The following ROBO2 variants were observed in gnomAD, a reference collection of about 807,000 sequenced individuals.
ROBO2 encodes roundabout guidance receptor 2, also known as roundabout homolog 2.
ROBO2 carries 53 observed loss-of-function variants against 160.8 expected under a neutral mutation model. That is an observed-to-expected ratio of 0.33 (90% confidence interval 0.26 to 0.41). The LOEUF (loss-of-function observed/expected upper bound fraction) is 0.41. ROBO2 is among the 10% of genes least tolerant of loss of function. The pLI, the probability that ROBO2 is intolerant of heterozygous loss-of-function variation, is 1.00. For missense variants in ROBO2, 1,577 were observed against 1,722.4 expected, an observed-to-expected ratio of 0.92 and a Z score of 1.49; for synonymous variants, 664 against 611.7, an observed-to-expected ratio of 1.09 and a Z score of -1.26.
intron 2 of ROBO2, among the ~76,000 whole-genome samples, chr3:77,210,857 T>C (rs979845923): frequency 6.6e-6 from 1 of 152,008 alleles, no homozygotes; most frequent in Non-Finnish European, 1.5e-5. Flanking sequence ...TCTGATCTTG[T>C]GATAGTTTAC....
At chr3:76,230,975 T>C (rs1340967865) in intron 2 of ROBO2, among the ~76,000 whole-genome samples, 1 of 151,950 alleles carries the variant, frequency 6.6e-6, no homozygotes, top group Non-Finnish European at 1.5e-5. Context: ...ACACCAAAGA[T>C]TACCAATAAA....
At chr3:77,417,539 A>T (rs1041282323) in intron 2 of ROBO2, among the ~76,000 whole-genome samples, 1 of 152,160 alleles carries the variant, frequency 6.6e-6, no homozygotes, top group Non-Finnish European at 1.5e-5. Context: ...GCATTGTCTC[A>T]GTCATTAATT....
intron 2 of ROBO2, among the ~76,000 whole-genome samples, chr3:76,241,205 T>A (rs533289083): frequency 6.6e-6 from 1 of 152,344 alleles, no homozygotes; most frequent in Non-Finnish European, 1.5e-5. Context: ...TCTAAAACTT[T>A]AACTCTGTTA....
At chr3:77,446,137 T>C (rs2080482552) in intron 2 of ROBO2, among the ~76,000 whole-genome samples, 1 of 152,088 alleles carries the variant, frequency 6.6e-6, no homozygotes, top group African/African-American at 2.4e-5. Flanking sequence ...TTGATTTTTC[T>C]CTGTCTCTCT....
At chr3:77,321,240 G>A (rs1275763411) in intron 2 of ROBO2, among the ~76,000 whole-genome samples, 1 of 152,030 alleles carries the variant, frequency 6.6e-6, no homozygotes, top group Admixed American at 6.6e-5. Flanking sequence ...TTTTAGGCTG[G>A]GCACAGTGGC....
At chr3:76,194,103 T>C (rs1000580379) in intron 2 of ROBO2, among the ~76,000 whole-genome samples, 1 of 151,864 alleles carries the variant, frequency 6.6e-6, no homozygotes, top group Non-Finnish European at 1.5e-5. Context: ...AAACAAGAAT[T>C]GAAAGATTGA....
At chr3:76,599,058 T>C (rs1009009722) in intron 2 of ROBO2, among the ~76,000 whole-genome samples, 8 of 152,284 alleles carry the variant, frequency 5.3e-5, no homozygotes, top group Non-Finnish European at 1.0e-4. Context: ...GTATATACAT[T>C]AAAACAAAAA....
intron 2 of ROBO2, among the ~76,000 whole-genome samples, chr3:76,990,482 A>T (rs1357238611): frequency 6.6e-6 from 1 of 152,194 alleles, no homozygotes; most frequent in African/African-American, 2.4e-5. Context: ...CTTGATATTC[A>T]GAATATAATT....
chr3:77,363,812 G>A (rs1033531852), intron 2 of ROBO2, among the ~76,000 whole-genome samples: 2 of 152,134 alleles, frequency 1.3e-5, no homozygotes, highest in African/African-American at 4.8e-5. Flanking sequence ...TGTGGGAAGA[G>A]AGGGATTCAA....
At chr3:77,223,779 A>G (rs916277625) in intron 2 of ROBO2, among the ~76,000 whole-genome samples, 1 of 152,078 alleles carries the variant, frequency 6.6e-6, no homozygotes, top group African/African-American at 2.4e-5. Flanking sequence ...ACAAAACTTT[A>G]TGAAGACAAG....
At chr3:76,742,933 T>G (rs1441035509) in intron 2 of ROBO2, among the ~76,000 whole-genome samples, 2 of 152,022 alleles carry the variant, frequency 1.3e-5, no homozygotes, top group Non-Finnish European at 2.9e-5. Context: ...ATCAGCTCTA[T>G]GGCCAACAGT....
intron 2 of ROBO2, among the ~76,000 whole-genome samples, chr3:76,963,569 T>C (rs1407420093): frequency 1.3e-5 from 2 of 152,062 alleles, no homozygotes; most frequent in African/African-American, 4.8e-5. Flanking sequence ...ATTATATCAT[T>C]TGACTTTTTA....
rs1190784175 is a variant in ROBO2, at chr3:76,043,836, A to G, written c.109+106234A>G. 4.6e-5 allele frequency among the ~76,000 whole-genome samples: 7 copies of G among 151,860 alleles called. 1 individual carries two copies. Among genetic ancestry groups the G allele is most frequent in the African/African-American group, 1.7e-4 (7 of 41,178 alleles). ...TGGCCTCTGGCCTTTTGGAATCCACATTATCTTGGAACTATGTGAAGATTG... is the reference window on the plus strand; with the variant it reads ...TGGCCTCTGGCCTTTTGGAATCCACGTTATCTTGGAACTATGTGAAGATTG... On this transcript the variant is annotated intron_variant, in intron 2 of 26. Transcript: ENST00000487694.
intron 2 of ROBO2, among the ~76,000 whole-genome samples, chr3:77,173,612 G>A (rs2079847864): frequency 6.6e-6 from 1 of 151,926 alleles, no homozygotes; most frequent in African/African-American, 2.4e-5. Context: ...TGTAAAATAG[G>A]TCTTGGCACC....
Position 77,381,607 on chromosome 3 carries a change from C to T in ROBO2, c.389-95807C>T, listed in dbSNP as rs538330720. 4.6e-5 allele frequency among the ~76,000 whole-genome samples: 7 copies of T among 152,280 alleles called. No homozygotes were observed. The South Asian group carries it at 1.5e-3, about 32-fold the overall frequency. On this transcript the variant is annotated intron_variant, in intron 2 of 25. Transcript: ENST00000461745. ...CCTGACATTTGCAGTTCCCTTGAGGCATATATTACAGTACACACACTACCC... is the reference window on the plus strand; with the variant it reads ...CCTGACATTTGCAGTTCCCTTGAGGTATATATTACAGTACACACACTACCC...
chr3:76,886,222 C>A (rs754344319), intron 2 of ROBO2, among the ~76,000 whole-genome samples: 2 of 150,140 alleles, frequency 1.3e-5, no homozygotes, highest in Non-Finnish European at 3.0e-5. Flanking sequence ...TGAGATTCTA[C>A]GCCTTTTATA....
chr3:76,089,566 TGAA>T (rs1332063046), intron 2 of ROBO2, among the ~76,000 whole-genome samples: 1 of 152,060 alleles, frequency 6.6e-6, no homozygotes, highest in African/African-American at 2.4e-5. Context: ...ATCAACAGAC[TGAA>T]GAAGAAAAAT....
At chr3:77,163,122 C>T (rs1255725108) in intron 2 of ROBO2, among the ~76,000 whole-genome samples, 1 of 152,140 alleles carries the variant, frequency 6.6e-6, no homozygotes, top group African/African-American at 2.4e-5. Flanking sequence ...AGGTGTGAGC[C>T]ACCGTACCTG....
At chr3:76,704,201 T>C (rs2093108901) in intron 2 of ROBO2, among the ~76,000 whole-genome samples, 2 of 152,130 alleles carry the variant, frequency 1.3e-5, no homozygotes. Flanking sequence ...CCCTCATTTA[T>C]GTCAACAAGT....
Sources: allele counts gnomAD v4.1 joint callset (sites outside exome capture counted in the v4.1 genomes callset), GRCh38; gene constraint gnomAD v4.1.1; transcripts MANE v1.5; gene names NCBI Gene and HGNC (gene_info 2026-07-23, HGNC 2026-07-21).